The following PTPRM variants were observed in gnomAD, a reference collection of about 807,000 sequenced individuals.
PTPRM encodes receptor-type tyrosine-protein phosphatase mu.
In PTPRM, 47 loss-of-function variants were observed where a neutral mutation model predicts 186.7. The observed-to-expected ratio is 0.25, with a 90% CI of 0.20 to 0.32. The LOEUF (loss-of-function observed/expected upper bound fraction) is 0.32, where lower values mean the gene tolerates loss of function less well. Ranked by LOEUF, PTPRM falls within the 10% of genes least tolerant of loss-of-function variation. The pLI is 1.00. For missense variants in PTPRM, 1,494 were observed against 1,865.0 expected, an observed-to-expected ratio of 0.80 and a Z score of 3.66; for synonymous variants, 668 against 674.9, an observed-to-expected ratio of 0.99 and a Z score of 0.16.
intron 7 of PTPRM, among the ~76,000 whole-genome samples, chr18:7,986,209 G>A (rs72897614): frequency 0.041 from 6,241 of 152,242 alleles, 202 homozygotes; most frequent in Non-Finnish European, 0.066. Flanking sequence ...TCAGTAGTGC[G>A]TAACAGGATT....
chr18:7,645,627 G>A (rs1428766326), intron 1 of PTPRM, among the ~76,000 whole-genome samples: 1 of 152,164 alleles, frequency 6.6e-6, no homozygotes. Flanking sequence ...TGTCTTTTCT[G>A]CCACTGTGGA....
At chr18:7,884,848 C>G (rs761539560) in intron 2 of PTPRM, among the ~76,000 whole-genome samples, 2 of 133,680 alleles carry the variant, frequency 1.5e-5, no homozygotes, top group Non-Finnish European at 3.1e-5. Flanking sequence ...CGCTTGAACC[C>G]AGGAGGCAGA....
chr18:7,896,747 A>C (rs1388252412), intron 3 of PTPRM, among the ~76,000 whole-genome samples: 1 of 152,224 alleles, frequency 6.6e-6, no homozygotes, highest in African/African-American at 2.4e-5. Context: ...TTCTTTGTGC[A>C]GCAAGGACTC....
At chr18:8,177,319 A>G (rs532094223) in intron 14 of PTPRM, among the ~76,000 whole-genome samples, 2 of 152,342 alleles carry the variant, frequency 1.3e-5, no homozygotes, top group South Asian at 4.1e-4. Flanking sequence ...TTAAAATAAA[A>G]ACTTTAGACA....
intron 23 of PTPRM, among the ~76,000 whole-genome samples, chr18:8,357,099 T>C (rs1205554016): frequency 6.6e-6 from 1 of 152,124 alleles, no homozygotes; most frequent in Non-Finnish European, 1.5e-5. Context: ...TGAGTGTGGA[T>C]TGTTAAAGGG....
intron 2 of PTPRM, among the ~76,000 whole-genome samples, chr18:7,842,906 T>C (rs2046405935): frequency 8.1e-6 from 1 of 123,496 alleles, no homozygotes; most frequent in African/African-American, 3.7e-5. Context: ...TATATGTTTC[T>C]CATATGTGTG....
chr18:7,915,278 A>G (rs543707892), intron 4 of PTPRM, among the ~76,000 whole-genome samples: 9 of 152,292 alleles, frequency 5.9e-5, no homozygotes, highest in Admixed American at 1.3e-4. Flanking sequence ...AATCTCCTAC[A>G]GGTTTTAGAA....
intron 2 of PTPRM, among the ~76,000 whole-genome samples, chr18:7,884,884 A>G (rs779958131): frequency 2.4e-5 from 3 of 123,830 alleles, no homozygotes; most frequent in Non-Finnish European, 4.7e-5. Flanking sequence ...AGATCACGCC[A>G]TTGCACTCCA....
chr18:8,141,910 T>C (rs967584021), intron 13 of PTPRM, among the ~76,000 whole-genome samples: 1 of 152,232 alleles, frequency 6.6e-6, no homozygotes, highest in African/African-American at 2.4e-5. Flanking sequence ...TCTTTTTGTA[T>C]AGATTGCTTA....
intron 19 of PTPRM, among the ~76,000 whole-genome samples, chr18:8,263,119 T>G (rs1277942750): frequency 6.6e-6 from 1 of 152,160 alleles, no homozygotes; most frequent in Non-Finnish European, 1.5e-5. Context: ...GATAGACTTT[T>G]TTTTTTCAAG....
At chr18:8,055,289 A>G (rs1247096718) in intron 7 of PTPRM, among the ~76,000 whole-genome samples, 2 of 151,894 alleles carry the variant, frequency 1.3e-5, no homozygotes, top group Non-Finnish European at 2.9e-5. Flanking sequence ...TTTGCCCTCC[A>G]TCTTCCTTTC....
chr18:8,020,552 T>C (rs1208648612), intron 7 of PTPRM, among the ~76,000 whole-genome samples: 1 of 152,180 alleles, frequency 6.6e-6, no homozygotes, highest in Non-Finnish European at 1.5e-5. Context: ...CCCATGAGAA[T>C]TTTTAAAAAT....
intron 1 of PTPRM, among the ~76,000 whole-genome samples, chr18:7,673,002 G>A (rs2039253835): frequency 1.3e-5 from 2 of 152,348 alleles, no homozygotes; most frequent in Admixed American, 6.5e-5. Flanking sequence ...GAAGGCTCAG[G>A]AAGGTGGTGT....
chr18:7,798,542 G>A (rs1568145918), intron 2 of PTPRM, among the ~76,000 whole-genome samples: 1 of 151,850 alleles, frequency 6.6e-6, no homozygotes, highest in Admixed American at 6.6e-5. Context: ...AAAAAAAAAG[G>A]TTAAGATGGT....
At chr18:8,313,997 A>T (rs1456619330) in intron 20 of PTPRM, among the ~76,000 whole-genome samples, 1 of 152,212 alleles carries the variant, frequency 6.6e-6, no homozygotes, top group East Asian at 1.9e-4. Flanking sequence ...AAAAAAATTA[A>T]GGTAACAAAT....
intron 19 of PTPRM, among the ~76,000 whole-genome samples, chr18:8,266,015 G>A (rs1387362896): frequency 2.6e-5 from 4 of 152,088 alleles, no homozygotes; most frequent in African/African-American, 9.7e-5. Flanking sequence ...CTCTGTGGCT[G>A]GTTCTGATTT....
At chr18:7,768,771 C>G (rs1329712433) in intron 1 of PTPRM, among the ~76,000 whole-genome samples, 2 of 151,604 alleles carry the variant, frequency 1.3e-5, no homozygotes, top group Non-Finnish European at 1.5e-5. Context: ...CTCAGCCTCC[C>G]GAGTAGCTGG....
At chr18:8,042,151 T>G (rs972275520) in intron 7 of PTPRM, among the ~76,000 whole-genome samples, 1 of 152,116 alleles carries the variant, frequency 6.6e-6, no homozygotes, top group Admixed American at 6.5e-5. Context: ...CTGGGGTAAT[T>G]TAAGAAAAAA....
At chr18:7,893,365 T>C (rs1393272483) in intron 3 of PTPRM, among the ~76,000 whole-genome samples, 1 of 152,226 alleles carries the variant, frequency 6.6e-6, no homozygotes, top group African/African-American at 2.4e-5. Flanking sequence ...TCAACAGGAC[T>C]ATTTTGAATC....
Sources: gnomAD v4.1 joint callset for allele counts (sites outside exome capture counted in the v4.1 genomes callset) on GRCh38, gnomAD v4.1.1 for gene constraint, MANE v1.5 for transcripts, NCBI Gene and HGNC (gene_info 2026-07-23, HGNC 2026-07-21) for gene names.